KIAA1217: variants seen among roughly 807,000 people sequenced by gnomAD.
The protein encoded by KIAA1217 is KIAA1217.
In KIAA1217, 88 loss-of-function variants were observed where a neutral mutation model predicts 163.9. The ratio of observed to expected loss-of-function variants is 0.54; its 90% CI spans 0.45 to 0.64. KIAA1217 has a LOEUF of 0.64. Ranked by LOEUF, KIAA1217 falls within the 30% of genes least tolerant of loss-of-function variation. The pLI is 0.00. For synonymous variants in KIAA1217, 903 were observed against 923.1 expected, an observed-to-expected ratio of 0.98 and a Z score of 0.39; for missense variants, 2,372 against 2,475.0, an observed-to-expected ratio of 0.96 and a Z score of 0.88.
intron 1 of KIAA1217, among the ~76,000 whole-genome samples, chr10:23,763,537 G>T (rs182335345): frequency 2.6e-5 from 4 of 152,182 alleles, no homozygotes; most frequent in Admixed American, 2.6e-4. Context: ...GAGAAAACTA[G>T]CTAGCCATAT....
intron 2 of KIAA1217, among the ~76,000 whole-genome samples, chr10:24,118,310 G>C (rs2063142628): frequency 6.6e-6 from 1 of 152,154 alleles, no homozygotes; most frequent in Admixed American, 6.5e-5. Flanking sequence ...TCCGCCACTT[G>C]CTTTCGGTGG....
At position 23,841,680 on chromosome 10, in the gene KIAA1217, C is replaced by T. The variant is rs151037554; in HGVS notation, c.-321+146446C>T. On this transcript the variant is annotated intron_variant, in intron 1 of 18. Transcript: ENST00000376462. ...TTTTGTCCCAATAAGCAGTATAATT[C>T]TTCGTTGCAAAAACAGAAAAGCAGC... 4.5e-3 allele frequency among the ~76,000 whole-genome samples: 680 copies of T among 151,470 alleles called. 8 individuals are homozygous for T. The highest frequency in any genetic ancestry group is 0.015 in the African/African-American group (628 of 41,338).
chr10:24,221,876 A>T (rs983026242), intron 2 of KIAA1217, among the ~76,000 whole-genome samples: 2 of 152,178 alleles, frequency 1.3e-5, no homozygotes, highest in Non-Finnish European at 2.9e-5. Context: ...TCAACAAAAA[A>T]ATTTAAAAAA....
intron 1 of KIAA1217, among the ~76,000 whole-genome samples, chr10:23,774,337 A>G (rs190664841): frequency 6.6e-6 from 1 of 152,290 alleles, no homozygotes; most frequent in African/African-American, 2.4e-5. Flanking sequence ...TGTGTGGGCT[A>G]TGCTGGAGAC....
chr10:24,262,450 A>ACTC (rs1378732842), intron 2 of KIAA1217, among the ~76,000 whole-genome samples: 3 of 151,374 alleles, frequency 2.0e-5, no homozygotes, highest in Non-Finnish European at 4.4e-5. Context: ...ATACGGTGAA[A>ACTC]CTCCGTGTCT....
intron 1 of KIAA1217, among the ~76,000 whole-genome samples, chr10:23,867,211 T>C (rs1840235374): frequency 6.6e-6 from 1 of 152,146 alleles, no homozygotes; most frequent in African/African-American, 2.4e-5. Context: ...TAGTATTCCA[T>C]GGAGTATATG....
At chr10:24,361,982 CAAAAAAAAAAAAA>C in intron 2 of KIAA1217, among the ~76,000 whole-genome samples, 1 of 100,574 alleles carries the variant, frequency 9.9e-6, no homozygotes, top group East Asian at 2.6e-4. Context: ...GACTCTGTCT[CAAAAAAAAAAAAA>C]AAAAAAAAAG....
chr10:23,796,131 C>T (rs1307551962), intron 1 of KIAA1217, among the ~76,000 whole-genome samples: 1 of 152,088 alleles, frequency 6.6e-6, no homozygotes, highest in African/African-American at 2.4e-5. Context: ...TGTCTTCTTA[C>T]ATGCCATGCA....
rs148123609 is a variant in KIAA1217, at chr10:23,781,554, T to C, written c.-321+86320T>C. ...GTAGGCAACGTTTTGAATTTGTTGATTGTCCCCTTTGCTGTGCAGAAGTTT... is the reference window on the plus strand; with the variant it reads ...GTAGGCAACGTTTTGAATTTGTTGACTGTCCCCTTTGCTGTGCAGAAGTTT... On this transcript the variant is annotated intron_variant, in intron 1 of 18. Transcript: ENST00000376462. Among the ~76,000 whole-genome samples the C allele has an allele frequency of 2.0e-5, 3 of 152,322 alleles. No individual in the cohort carries two copies. The East Asian group carries it at 5.8e-4, about 29-fold the overall frequency.
intron 2 of KIAA1217, among the ~76,000 whole-genome samples, chr10:24,298,631 C>G (rs1470248974): frequency 6.6e-6 from 1 of 151,980 alleles, no homozygotes; most frequent in African/African-American, 2.4e-5. Flanking sequence ...AACCTCTTCT[C>G]TACTAAATAT....
At chr10:24,155,092 G>A (rs2064815587) in intron 2 of KIAA1217, among the ~76,000 whole-genome samples, 1 of 152,140 alleles carries the variant, frequency 6.6e-6, no homozygotes, top group African/African-American at 2.4e-5. Context: ...AAGTACTTAA[G>A]GCACTGCACT....
intron 2 of KIAA1217, among the ~76,000 whole-genome samples, chr10:24,146,197 A>AG (rs1454728056): frequency 6.6e-6 from 1 of 151,902 alleles, no homozygotes; most frequent in Non-Finnish European, 1.5e-5. Flanking sequence ...AAGATACAAA[A>AG]GGGTTACATA....
chr10:23,804,237 C>A (rs1162291171), intron 1 of KIAA1217, among the ~76,000 whole-genome samples: 7 of 151,970 alleles, frequency 4.6e-5, no homozygotes, highest in Non-Finnish European at 1.0e-4. Flanking sequence ...TGACTTAAAT[C>A]AACTGCCAGG....
At chr10:23,982,353 A>G (rs557465104) in intron 1 of KIAA1217, among the ~76,000 whole-genome samples, 1 of 152,156 alleles carries the variant, frequency 6.6e-6, no homozygotes, top group South Asian at 2.1e-4. Context: ...TTCACTAAAC[A>G]CTGTGTTTTT....
At position 24,474,227 on chromosome 10, in the gene KIAA1217, GC is replaced by G. The variant is rs371816161; in HGVS notation, c.1679+168del. Among the ~76,000 whole-genome samples, 2 of 152,270 alleles carry G rather than the reference GC, an allele frequency of 1.3e-5. 1 individual carries two copies. The highest frequency in any genetic ancestry group is 4.8e-5 in the African/African-American group (2 of 41,540). On this transcript the variant is annotated intron_variant, in intron 6 of 20. Transcript: ENST00000376454. ...AGTGGTGTCAAAGCCACCATTGTCTGCAAATAGTTTCTAAATTGGCAGGGGT... is the reference window on the plus strand; with the variant it reads ...AGTGGTGTCAAAGCCACCATTGTCTGAAATAGTTTCTAAATTGGCAGGGGT...
intron 8 of KIAA1217, among the ~76,000 whole-genome samples, chr10:24,497,116 T>C (rs11597818): frequency 0.2 from 30,072 of 152,180 alleles, 3,269 homozygotes; most frequent in East Asian, 0.37. Context: ...AATATAATAA[T>C]TCTTCCAGAA....
chr10:23,794,363 CG>C (rs1276404129), intron 1 of KIAA1217, among the ~76,000 whole-genome samples: 1 of 152,112 alleles, frequency 6.6e-6, no homozygotes, highest in Non-Finnish European at 1.5e-5. Flanking sequence ...TAAGTTGATT[CG>C]TAAGGAAACC....
intron 2 of KIAA1217, among the ~76,000 whole-genome samples, chr10:24,073,985 C>T (rs1304564525): frequency 6.6e-6 from 1 of 151,962 alleles, no homozygotes; most frequent in East Asian, 1.9e-4. Flanking sequence ...TGCAGTAGAA[C>T]AAAATGCAGC....
chr10:24,004,984 G>A (rs1846927838), intron 1 of KIAA1217, among the ~76,000 whole-genome samples: 1 of 152,188 alleles, frequency 6.6e-6, no homozygotes, highest in Admixed American at 6.5e-5. Flanking sequence ...AGAGATGGAT[G>A]GTGGGAGCAG....
Sources: allele counts gnomAD v4.1 joint callset (sites outside exome capture counted in the v4.1 genomes callset), GRCh38; gene constraint gnomAD v4.1.1; transcripts MANE v1.5; gene names NCBI Gene and HGNC (gene_info 2026-07-23, HGNC 2026-07-21).